Variants in MED24 observed in about 807,000 individuals in gnomAD.
MED24 encodes the protein mediator of RNA polymerase II transcription subunit 24.
In MED24, 74 loss-of-function variants were observed where a neutral mutation model predicts 118.8. That is an observed-to-expected ratio of 0.62 (90% CI 0.52 to 0.76). The LOEUF (loss-of-function observed/expected upper bound fraction) is 0.76. Among genes scored for constraint, MED24 ranks in the 30% least tolerant of loss-of-function variants. MED24 has a pLI of 0.00. For synonymous variants in MED24, 521 were observed against 523.9 expected (o/e 0.99, Z 0.08); for missense variants, 1,041 against 1,278.9 (o/e 0.81, Z 2.84).
chr17:40,034,491 G>A (rs1428358596), intron 6 of MED24, among the ~76,000 whole-genome samples: 3 of 152,188 alleles, frequency 2.0e-5, no homozygotes, highest in Non-Finnish European at 4.4e-5. Context: ...CAAGGAGCAA[G>A]ACTATGGCCT....
chr17:40,027,776 C>G, intron 15 of MED24, 133 bp downstream of exon 15: 2 of 994,302 alleles, frequency 2.0e-6, no homozygotes, highest in South Asian at 1.3e-5. Context: ...GTGGAAGCTT[C>G]CATTGGTCAT....
intron 3 of MED24, among the ~76,000 whole-genome samples, chr17:40,040,635 T>C (rs1984463360): frequency 6.6e-6 from 1 of 151,778 alleles, no homozygotes; most frequent in South Asian, 2.1e-4. Flanking sequence ...TTTTTTTTTT[T>C]TGAGACAGAT....
At chr17:40,022,096 C>G in intron 22 of MED24, 42 bp from the exon 23 acceptor site, 1 of 1,432,070 alleles carries the variant, frequency 7.0e-7, no homozygotes, top group Non-Finnish European at 9.6e-7. Flanking sequence ...CCTAAACCCC[C>G]CAGTTTCCAG....
At chr17:40,047,692 AAAC>A (rs796715163) in intron 3 of MED24, among the ~76,000 whole-genome samples, 56 of 147,822 alleles carry the variant, frequency 3.8e-4, no homozygotes, top group African/African-American at 1.4e-3. Context: ...AAAAAACAAA[AAAC>A]AACAACAAAA....
rs370485631 is a variant in MED24, at chr17:40,032,673, C to T, written c.912G>A (p.Lys304=). Residue 304 remains lysine, a synonymous_variant, in exon 9 of 26, where the codon AAG becomes AAA. Transcript: ENST00000394128. Reference sequence around the variant, plus strand: ...CCTTGAGGAAAGTGAAAGCTGTCCACTTGAGCTCCTCCGTACCCTCGGGAG... The same window carrying T: ...CCTTGAGGAAAGTGAAAGCTGTCCATTTGAGCTCCTCCGTACCCTCGGGAG... ...IESPEGTEEL[K]WTAFTFLKIP... The T allele has an allele frequency of 6.8e-5, 110 of 1,613,724 alleles. No individual in the cohort carries two copies. The highest frequency in any genetic ancestry group is 9.1e-5 in the Non-Finnish European group (107 of 1,179,892).
At chr17:40,047,162 T>C (rs1194019717) in intron 3 of MED24, among the ~76,000 whole-genome samples, 1 of 151,278 alleles carries the variant, frequency 6.6e-6, no homozygotes, top group Non-Finnish European at 1.5e-5. Context: ...ACAACATAAA[T>C]AATAAATCTC....
intron 3 of MED24, among the ~76,000 whole-genome samples, chr17:40,052,044 T>C (rs762095424): frequency 6.9e-4 from 104 of 150,894 alleles, no homozygotes; most frequent in Non-Finnish European, 1.3e-3. Flanking sequence ...CCTGTAATCC[T>C]AGCACTTTGG....
Position 40,022,713 on chromosome 17 carries a change from T to A in MED24, c.2364A>T (p.Leu788=). The part of the protein sequence containing the change: ...QVTLVLLGHI[L]PGLLTDSSKW... ...TGGAGGAGTCAGTGAGCAGGCCAGG[T>A]AGGATGTGGCCCAGCAGGACCAGGG... Residue 788 remains leucine, a synonymous_variant, in exon 21 of 26, where the codon CTA becomes CTT. Coordinates refer to ENST00000394128, the MANE Select transcript of MED24 (RefSeq NM_014815.4). 1.2e-6 allele frequency: 2 copies of A among 1,613,712 alleles called. No individual in the cohort carries two copies. The highest frequency in any genetic ancestry group is 1.7e-6 in the Non-Finnish European group (2 of 1,179,932).
At chr17:40,032,852 T>G in intron 8 of MED24, 90 bp from the exon 9 acceptor site, 1 of 1,379,468 alleles carries the variant, frequency 7.2e-7, no homozygotes, top group Middle Eastern at 1.8e-4. Context: ...GGTCAGAGAC[T>G]GCATGGCAGA....
intron 11 of MED24, 28 bp from the exon 12 acceptor site, chr17:40,031,273 C>A: frequency 4.5e-6 from 7 of 1,546,406 alleles, no homozygotes; most frequent in Non-Finnish European, 6.1e-6. Flanking sequence ...GCTGAGGGAA[C>A]TGGGCACCTG....
At chr17:40,040,994 T>C (rs1984504701) in intron 3 of MED24, among the ~76,000 whole-genome samples, 1 of 152,022 alleles carries the variant, frequency 6.6e-6, no homozygotes, top group Non-Finnish European at 1.5e-5. Flanking sequence ...GTGATCCTCC[T>C]ACCTCGGCCT....
chr17:40,021,712 G>A (rs2144857173), intron 23 of MED24, among the ~76,000 whole-genome samples: 1 of 152,300 alleles, frequency 6.6e-6, no homozygotes, highest in African/African-American at 2.4e-5. Flanking sequence ...GGCTGTGGGG[G>A]AACAACTGTG....
chr17:40,037,591 GT>G (rs1218976888), intron 3 of MED24, among the ~76,000 whole-genome samples: 4 of 152,128 alleles, frequency 2.6e-5, no homozygotes, highest in Admixed American at 6.6e-5. Flanking sequence ...GCCCCATATG[GT>G]TATTTAAATT....
At position 40,020,175 on chromosome 17, in the gene MED24, G is replaced by A. The variant is rs142129785; in HGVS notation, c.2704+98C>T. On this transcript the variant is annotated intron_variant, in intron 24 of 25. Coordinates refer to ENST00000394128, the MANE Select transcript of MED24 (RefSeq NM_014815.4). ...CATGGAGAGGGAAGGGAGGGGCACC[G>A]CAAGGCCCCTTCCAGCTGACAAGGT... 3.9e-3 allele frequency: 4,858 copies of A among 1,255,002 alleles called. 20 individuals are homozygous for A. The highest frequency in any genetic ancestry group is 4.7e-3 in the Non-Finnish European group (4,244 of 912,336). The allele number at this position is 1,255,002 out of a possible 1,614,324, so 77.7% of individuals were successfully genotyped here. A position where few individuals can be genotyped will look rare whatever the true frequency, so the allele number is the denominator to read the frequency against.
At chr17:40,031,107 C>A in intron 12 of MED24, 52 bp downstream of exon 12, 1 of 1,519,088 alleles carries the variant, frequency 6.6e-7, no homozygotes, top group Non-Finnish European at 9.0e-7. Context: ...CCCACCGTAA[C>A]AAGAGAGAGG....
intron 3 of MED24, 32 bp downstream of exon 3, chr17:40,053,266 C>T (rs1271981758): frequency 6.4e-7 from 1 of 1,562,730 alleles, no homozygotes; most frequent in African/African-American, 1.4e-5. Flanking sequence ...CCAGAACTCT[C>T]ACTTCTTGGT....
Position 40,029,799 on chromosome 17 carries a change from G to C in MED24, c.1215C>G (p.Pro405=). Residue 405 remains proline, a synonymous_variant, in exon 13 of 26, where the codon CCC becomes CCG. Transcript: ENST00000394128. Reference sequence around the variant, plus strand: ...CCGCCCGGAGGATCAGCTGGATGTTGGGCTGGATGTTGGCATTCTCTCCCG... The same window carrying C: ...CCGCCCGGAGGATCAGCTGGATGTTCGGCTGGATGTTGGCATTCTCTCCCG... ...QKSGENANIQ[P]NIQLILRAEP... The C allele has an allele frequency of 6.2e-7, 1 of 1,614,182 alleles. No homozygotes were observed. The highest frequency in any genetic ancestry group is 8.5e-7 in the Non-Finnish European group (1 of 1,180,014).
rs1982637905 is a variant in MED24, at chr17:40,026,340, G to A, written c.1810-9C>T. 2 of 1,610,930 alleles carry A rather than the reference G, an allele frequency of 1.2e-6. No individual in the cohort carries two copies. The highest frequency in any genetic ancestry group is 1.3e-5 in the African/African-American group (1 of 74,892). On this transcript the variant is annotated splice_polypyrimidine_tract_variant and intron_variant, in intron 18 of 25. Coordinates refer to ENST00000394128, the MANE Select transcript of MED24 (RefSeq NM_014815.4). ...ATGTTATCAGTGATTTTCTAGGGGAGACGGAAAGGTGATGGGCTACCATCT... is the reference window on the plus strand; with the variant it reads ...ATGTTATCAGTGATTTTCTAGGGGAAACGGAAAGGTGATGGGCTACCATCT...
chr17:40,031,767 C>T (rs140397920), intron 10 of MED24, 147 bp from the exon 11 acceptor site: 9,869 of 779,554 alleles, frequency 0.013, 87 homozygotes, highest in Non-Finnish European at 0.017. Context: ...TGCACGCAGA[C>T]GCTGAAGCAC....
Sources: gnomAD v4.1 joint callset for allele counts (sites outside exome capture counted in the v4.1 genomes callset) on GRCh38, gnomAD v4.1.1 for gene constraint, MANE v1.5 for transcripts, NCBI Gene and HGNC (gene_info 2026-07-23, HGNC 2026-07-21) for gene names.